The following SRGAP3 variants were observed in gnomAD, a reference collection of about 807,000 sequenced individuals.
SRGAP3 encodes the protein SLIT-ROBO Rho GTPase-activating protein 3.
In SRGAP3, 39 loss-of-function variants were observed where a neutral mutation model predicts 121.1. The observed-to-expected ratio is 0.32, with a 90% CI of 0.25 to 0.42. SRGAP3 has a LOEUF of 0.42. SRGAP3 is among the 10% of genes least tolerant of loss of function. SRGAP3 has a pLI of 1.00. For synonymous variants in SRGAP3, 601 were observed against 570.0 expected (o/e 1.05, Z -0.77); for missense variants, 1,213 against 1,470.6 (o/e 0.82, Z 2.86).
At chr3:9,208,809 T>C (rs549514259) in intron 1 of SRGAP3, among the ~76,000 whole-genome samples, 1 of 152,250 alleles carries the variant, frequency 6.6e-6, no homozygotes, top group Non-Finnish European at 1.5e-5. Flanking sequence ...GTTGAGCAAG[T>C]TGCTGTCAAA....
chr3:9,327,118 T>G (rs1433797345), intron 2 of SRGAP3, among the ~76,000 whole-genome samples: 1 of 151,964 alleles, frequency 6.6e-6, no homozygotes, highest in Non-Finnish European at 1.5e-5. Flanking sequence ...AAGCTAGTTT[T>G]TAATAACATT....
At chr3:9,107,581 G>A (rs766302041) in intron 2 of SRGAP3, among the ~76,000 whole-genome samples, 14 of 152,216 alleles carry the variant, frequency 9.2e-5, no homozygotes, top group Admixed American at 2.0e-4. Flanking sequence ...TTGACCACAC[G>A]CTAAGGCAGT....
In SRGAP3 at chr3:9,280,937, G is replaced by A. The variant is rs1954664512; in HGVS notation, n.442+45073C>T. 2.0e-5 allele frequency among the ~76,000 whole-genome samples: 3 copies of A among 152,082 alleles called. No individual in the cohort carries two copies. The South Asian group carries it at 6.2e-4, about 32-fold the overall frequency. Reference sequence around the variant, plus strand: ...GCCTGGCTTGTGCTCAGAAAGCAGAGGTAATGTTGGCTGAAAGCAATTCCT... The same window carrying A: ...GCCTGGCTTGTGCTCAGAAAGCAGAAGTAATGTTGGCTGAAAGCAATTCCT... On this transcript the variant is annotated intron_variant and non_coding_transcript_variant, in intron 3 of 3. Transcript: ENST00000490889.
At position 8,985,439 on chromosome 3, in the gene SRGAP3, G is replaced by T. The variant is rs1390873135; in HGVS notation, c.*80C>A. 1 of 1,580,854 alleles carries T rather than the reference G, an allele frequency of 6.3e-7. No homozygotes were observed. The highest frequency in any genetic ancestry group is 8.5e-7 in the Non-Finnish European group (1 of 1,170,892). Reference sequence around the variant, plus strand: ...TGCCCTCCAAGGCCAGGGTCACTGGGAAGCACGTGGAAGCCACCAAGGCCA... The same window carrying T: ...TGCCCTCCAAGGCCAGGGTCACTGGTAAGCACGTGGAAGCCACCAAGGCCA... On this transcript the variant is annotated 3_prime_UTR_variant, in exon 22 of 22. Coordinates refer to ENST00000383836, the MANE Select transcript of SRGAP3 (RefSeq NM_014850.4). This position sits in a 1 kb window ranked among gnomAD's most constrained non-coding sequence, Gnocchi z 5.1.
intron 5 of SRGAP3, among the ~76,000 whole-genome samples, chr3:9,063,616 G>C (rs1012728696): frequency 5.3e-5 from 8 of 152,068 alleles, no homozygotes; most frequent in Admixed American, 2.0e-4. Context: ...TGATATTACA[G>C]GCATGAGCCA....
intron 3 of SRGAP3, among the ~76,000 whole-genome samples, chr3:9,080,996 G>A (rs1014623530): frequency 6.6e-5 from 10 of 151,972 alleles, no homozygotes; most frequent in African/African-American, 1.9e-4. Flanking sequence ...CGAAACCATC[G>A]CCCCACCCTG....
intron 1 of SRGAP3, among the ~76,000 whole-genome samples, chr3:9,125,434 C>T (rs73811432): frequency 0.032 from 4,923 of 152,302 alleles, 267 homozygotes; most frequent in African/African-American, 0.11. Flanking sequence ...CAAAGGAAAA[C>T]GGCAGTGTGA....
chr3:8,994,301 A>G, intron 19 of SRGAP3, 42 bp downstream of exon 19: 1 of 1,611,874 alleles, frequency 6.2e-7, no homozygotes, highest in Non-Finnish European at 8.5e-7. Context: ...GACATCACTA[A>G]TCTATTTCGG....
At chr3:9,222,607 A>AG (rs1360064225) in intron 1 of SRGAP3, among the ~76,000 whole-genome samples, 1 of 152,236 alleles carries the variant, frequency 6.6e-6, no homozygotes, top group African/African-American at 2.4e-5. Flanking sequence ...CTCAATTCAA[A>AG]TTGCACTTTG....
chr3:9,294,601 C>A (rs894399494), intron 3 of SRGAP3, among the ~76,000 whole-genome samples: 1 of 151,956 alleles, frequency 6.6e-6, no homozygotes, highest in Non-Finnish European at 1.5e-5. Flanking sequence ...ATGACCACCA[C>A]CCACACCTGC....
chr3:9,208,129 C>T (rs910910753), intron 1 of SRGAP3, among the ~76,000 whole-genome samples: 1 of 152,112 alleles, frequency 6.6e-6, no homozygotes, highest in Non-Finnish European at 1.5e-5. Context: ...CACTGGGCAC[C>T]GTAGCCTTCC....
chr3:9,049,361 A>G (rs1387841620), intron 9 of SRGAP3: 1 of 455,854 alleles, frequency 2.2e-6, no homozygotes, highest in African/African-American at 2.0e-5. Flanking sequence ...TTGGCCATTA[A>G]GAGTCACTCG....
intron 12 of SRGAP3, among the ~76,000 whole-genome samples, chr3:9,029,854 T>C (rs887051697): frequency 6.6e-6 from 1 of 151,878 alleles, no homozygotes; most frequent in African/African-American, 2.4e-5. Flanking sequence ...AGCAACGCAA[T>C]AGTAAGGCCA....
chr3:9,346,757 T>C (rs1955898314), intron 1 of SRGAP3, among the ~76,000 whole-genome samples: 1 of 147,206 alleles, frequency 6.8e-6, no homozygotes, highest in Non-Finnish European at 1.5e-5. Flanking sequence ...TTTTTTCTTT[T>C]TTTTTTTTTT....
chr3:9,226,574 C>T (rs891677434), intron 1 of SRGAP3, among the ~76,000 whole-genome samples: 15 of 152,230 alleles, frequency 9.9e-5, no homozygotes, highest in African/African-American at 3.6e-4. Context: ...TTTTTGGCAA[C>T]TGCCTCACAG....
At chr3:9,216,803 C>G (rs1207628499) in intron 1 of SRGAP3, 1 of 152,442 alleles carries the variant, frequency 6.6e-6, no homozygotes, top group Non-Finnish European at 1.5e-5. Context: ...GATGCGGCCT[C>G]TACGCATACA....
chr3:9,148,743 C>T (rs541571148), intron 1 of SRGAP3, among the ~76,000 whole-genome samples: 2 of 152,190 alleles, frequency 1.3e-5, no homozygotes, highest in Admixed American at 6.5e-5. Flanking sequence ...CTCCACTACC[C>T]CATGCTCCTC....
chr3:9,251,242 G>T (rs1307904184), upstream of SRGAP3, among the ~76,000 whole-genome samples: 5 of 152,166 alleles, frequency 3.3e-5, no homozygotes, highest in African/African-American at 7.2e-5. Context: ...ACAGGGAGAA[G>T]TCCAACTGGT....
At chr3:9,197,888 G>A (rs1951960142) in intron 1 of SRGAP3, among the ~76,000 whole-genome samples, 1 of 152,238 alleles carries the variant, frequency 6.6e-6, no homozygotes, top group Non-Finnish European at 1.5e-5. Flanking sequence ...AGAGGGAATA[G>A]AATATGAGCC....
Sources: allele counts gnomAD v4.1 joint callset (sites outside exome capture counted in the v4.1 genomes callset), GRCh38; gene constraint gnomAD v4.1.1; non-coding constraint Gnocchi (gnomAD v3.1); transcripts MANE v1.5; gene names NCBI Gene and HGNC (gene_info 2026-07-23, HGNC 2026-07-21).